SSH2: variants seen among roughly 807,000 people sequenced by gnomAD.
The protein encoded by SSH2 is protein phosphatase Slingshot homolog 2.
SSH2 carries 37 observed loss-of-function variants against 135.2 expected under a neutral mutation model. That is an observed-to-expected ratio of 0.27 (90% CI 0.21 to 0.36). SSH2 has a LOEUF of 0.36. Among genes scored for constraint, SSH2 ranks in the 10% least tolerant of loss-of-function variants. The pLI, the probability that SSH2 is intolerant of heterozygous loss-of-function variation, is 1.00. For synonymous variants in SSH2, 628 were observed against 646.2 expected, an observed-to-expected ratio of 0.97 and a Z score of 0.43; for missense variants, 1,408 against 1,765.3, an observed-to-expected ratio of 0.80 and a Z score of 3.63.
chr17:29,632,711 C>T lies in SSH2; in HGVS notation c.2483G>A (p.Gly828Glu), dbSNP rs766223134. 11 of 1,614,154 alleles carry T rather than the reference C, an allele frequency of 6.8e-6. No individual in the cohort carries two copies. The Admixed American group carries it at 1.8e-4, about 27-fold the overall frequency. ...ERAQTPENKP[G>E]HMEQDEDSCT... ...GGAGTCCTCATCTTGCTCCATATGTCCAGGTTTGTTCTCTGGAGTCTGGGC... is the reference window on the plus strand; with the variant it reads ...GGAGTCCTCATCTTGCTCCATATGTTCAGGTTTGTTCTCTGGAGTCTGGGC... Residue 828 changes from glycine (G) to glutamate (E), a missense_variant, in exon 16 of 16, where the codon GGA (glycine) becomes GAA (glutamate). Around this residue, in one of 3 missense-constraint regions of SSH2, gnomAD observed 1,080 missense variants for 1,144.5 expected, o/e 0.94. Transcript: ENST00000540801.
At chr17:29,889,802 CAAAAAAAAAA>C (rs534822390) in intron 1 of SSH2, among the ~76,000 whole-genome samples, 2 of 49,470 alleles carry the variant, frequency 4.0e-5, no homozygotes, top group African/African-American at 7.5e-5. Context: ...CCATCTCTAC[CAAAAAAAAAA>C]AAAAAAAAAA....
intron 3 of SSH2, among the ~76,000 whole-genome samples, chr17:29,786,884 G>A (rs1309757572): frequency 2.0e-5 from 3 of 152,082 alleles, no homozygotes; most frequent in Non-Finnish European, 4.4e-5. Context: ...TTACTGTATC[G>A]CTGCACTCCC....
chr17:29,719,731 A>T (rs538389805), intron 3 of SSH2, among the ~76,000 whole-genome samples: 1 of 152,296 alleles, frequency 6.6e-6, no homozygotes, highest in South Asian at 2.1e-4. Context: ...TAAATTACAG[A>T]GCAGGAGTCA....
chr17:29,829,874 C>G (rs1047745667), intron 2 of SSH2, among the ~76,000 whole-genome samples: 7 of 144,548 alleles, frequency 4.8e-5, no homozygotes, highest in African/African-American at 1.8e-4. Flanking sequence ...GAGTCTCGCT[C>G]TATCGCCCAG....
intron 1 of SSH2, among the ~76,000 whole-genome samples, chr17:29,899,110 G>T (rs2151456365): frequency 6.6e-6 from 1 of 152,102 alleles, no homozygotes; most frequent in African/African-American, 2.4e-5. Flanking sequence ...AATAAATTAG[G>T]TATTGATGGG....
chr17:29,901,815 T>C (rs1017929292), intron 1 of SSH2, among the ~76,000 whole-genome samples: 30 of 151,910 alleles, frequency 2.0e-4, no homozygotes, highest in African/African-American at 6.8e-4. Flanking sequence ...AGTGTCTTTC[T>C]GTGTCGCCTA....
At chr17:29,729,335 T>C (rs1165891761) in intron 3 of SSH2, among the ~76,000 whole-genome samples, 1 of 152,154 alleles carries the variant, frequency 6.6e-6, no homozygotes, top group Non-Finnish European at 1.5e-5. Context: ...AAAACTACAA[T>C]GAGATATCAT....
At chr17:29,846,220 A>G (rs1361959417) in intron 2 of SSH2, among the ~76,000 whole-genome samples, 1 of 152,056 alleles carries the variant, frequency 6.6e-6, no homozygotes, top group Non-Finnish European at 1.5e-5. Flanking sequence ...TTTTTAGTAG[A>G]GACGGGGTTT....
chr17:29,906,522 CTAAAT>C (rs1014364952), intron 1 of SSH2, among the ~76,000 whole-genome samples: 1 of 152,118 alleles, frequency 6.6e-6, no homozygotes, highest in African/African-American at 2.4e-5. Flanking sequence ...TGGGATCTAA[CTAAAT>C]TAAAGTGCTT....
intron 3 of SSH2, among the ~76,000 whole-genome samples, chr17:29,728,721 AC>A (rs1387298474): frequency 6.6e-6 from 1 of 152,230 alleles, no homozygotes; most frequent in Non-Finnish European, 1.5e-5. Flanking sequence ...ATGGGATATA[AC>A]ACAGAATCCA....
At chr17:29,873,437 T>A (rs988023080) in intron 1 of SSH2, among the ~76,000 whole-genome samples, 2 of 151,988 alleles carry the variant, frequency 1.3e-5, no homozygotes, top group Non-Finnish European at 2.9e-5. Context: ...TGCACGCCTG[T>A]AATCCCAGCT....
At chr17:29,762,296 T>A (rs1295648635) in intron 3 of SSH2, among the ~76,000 whole-genome samples, 2 of 152,102 alleles carry the variant, frequency 1.3e-5, no homozygotes, top group Non-Finnish European at 2.9e-5. Context: ...TTCTTAGCCA[T>A]CCCCCAATTC....
rs1450050365 is a variant in SSH2, at chr17:29,703,021, A to G, written c.230T>C (p.Phe77Ser). ...GGATGAGCCATTTCCCCGTGGTAGA[A>G]AAAGGGCAGCACCTTTGACAGTTAG... ...SFLTVKGAAL[F>S]LPRGNGSSTP... The change falls in exon 4 of 16, where the codon TTT becomes TCT. Residue 77 changes from phenylalanine to serine, a missense_variant. Around this residue, in one of 3 missense-constraint regions of SSH2, gnomAD observed 222 missense variants for 355.6 expected, o/e 0.62. Transcript: ENST00000540801. The G allele has an allele frequency of 6.2e-7, 1 of 1,613,904 alleles. No homozygotes were observed. The highest frequency in any genetic ancestry group is 8.5e-7 in the Non-Finnish European group (1 of 1,179,908).
At chr17:29,789,142 C>G (rs1301846890) in intron 3 of SSH2, among the ~76,000 whole-genome samples, 1 of 152,118 alleles carries the variant, frequency 6.6e-6, no homozygotes, top group Non-Finnish European at 1.5e-5. Context: ...GGTTTCTAAG[C>G]AAAGTGGTGA....
intron 2 of SSH2, among the ~76,000 whole-genome samples, chr17:29,843,281 T>C (rs1056108225): frequency 2.0e-5 from 3 of 152,152 alleles, no homozygotes; most frequent in Non-Finnish European, 4.4e-5. Context: ...ACACTTGTAA[T>C]TCCAACACTT....
chr17:29,763,762 A>G (rs1047122768), intron 3 of SSH2, among the ~76,000 whole-genome samples: 1 of 152,212 alleles, frequency 6.6e-6, no homozygotes, highest in Admixed American at 6.5e-5. Context: ...ATAGGTTCCT[A>G]TAGCGACGCC....
chr17:29,647,050 G>A (rs562288256), intron 14 of SSH2, among the ~76,000 whole-genome samples: 57 of 151,188 alleles, frequency 3.8e-4, no homozygotes, highest in Non-Finnish European at 5.2e-4. Context: ...CGAGGCGAGC[G>A]GATCACAAGG....
At chr17:29,818,496 C>T (rs2151338450) in intron 2 of SSH2, among the ~76,000 whole-genome samples, 1 of 152,252 alleles carries the variant, frequency 6.6e-6, no homozygotes, top group East Asian at 1.9e-4. Flanking sequence ...GATCTGCCCG[C>T]CTCAGCCTCC....
At chr17:29,929,899 T>G in intron 1 of SSH2, 39 bp downstream of exon 1, 1 of 1,548,516 alleles carries the variant, frequency 6.5e-7, no homozygotes, top group Non-Finnish European at 8.7e-7. Context: ...GGAGCCGCAG[T>G]GACAGAAGCA....
Sources: allele counts gnomAD v4.1 joint callset (sites outside exome capture counted in the v4.1 genomes callset), GRCh38; gene constraint gnomAD v4.1.1; regional missense constraint gnomAD v4.1.1; transcripts MANE v1.5; gene names NCBI Gene and HGNC (gene_info 2026-07-23, HGNC 2026-07-21).